The following LSAMP variants were observed in gnomAD, a reference collection of about 807,000 sequenced individuals.
The protein encoded by LSAMP is limbic system associated membrane protein.
A neutral mutation model predicts 38.6 loss-of-function variants in LSAMP; 7 were observed. The ratio of observed to expected loss-of-function variants is 0.18; its 90% CI spans 0.10 to 0.34. LSAMP has a LOEUF of 0.34. Among genes scored for constraint, LSAMP ranks in the 10% least tolerant of loss-of-function variants. The pLI, the probability that LSAMP is intolerant of heterozygous loss-of-function variation, is 1.00. For missense variants in LSAMP, 313 were observed against 420.0 expected, an observed-to-expected ratio of 0.75 and a Z score of 2.23; for synonymous variants, 154 against 166.8, an observed-to-expected ratio of 0.92 and a Z score of 0.59.
At chr3:115,891,205 G>C (rs996441323) in intron 3 of LSAMP, among the ~76,000 whole-genome samples, 1 of 151,944 alleles carries the variant, frequency 6.6e-6, no homozygotes, top group Non-Finnish European at 1.5e-5. Context: ...CTCCATCCAT[G>C]TATACATATT....
chr3:116,402,659 T>C (rs1375201435), intron 1 of LSAMP, among the ~76,000 whole-genome samples: 1 of 152,102 alleles, frequency 6.6e-6, no homozygotes, highest in African/African-American at 2.4e-5. Flanking sequence ...TCATCAAGCA[T>C]ATATATATGC....
chr3:116,244,734 C>T (rs1022147337), intron 1 of LSAMP, among the ~76,000 whole-genome samples: 3 of 152,190 alleles, frequency 2.0e-5, no homozygotes, highest in African/African-American at 7.2e-5. Context: ...ATCAGGGACT[C>T]ACATTTATTT....
In LSAMP at chr3:115,803,441, T is replaced by C. The variant is rs1933562212; in HGVS notation, c.*6876A>G. 1 of 152,206 alleles carries C rather than the reference T, an allele frequency of 6.6e-6. No homozygotes were observed. The allele number at this position is 152,206 out of a possible 1,614,324, so 9.4% of individuals were successfully genotyped here. On this transcript the variant is annotated 3_prime_UTR_variant, in exon 7 of 7. Coordinates refer to ENST00000490035, the MANE Select transcript of LSAMP (RefSeq NM_002338.5). ...GGACAGCTTAGGACAAGAGGATCTG[T>C]GCTCAATGCATCTAGAACATGGCAC...
intron 1 of LSAMP, among the ~76,000 whole-genome samples, chr3:116,087,588 C>T (rs1708020307): frequency 6.6e-6 from 1 of 152,184 alleles, no homozygotes; most frequent in Non-Finnish European, 1.5e-5. Context: ...CTGCTCAACA[C>T]TCTGGAGCAG....
intron 1 of LSAMP, among the ~76,000 whole-genome samples, chr3:116,271,999 T>C (rs147444397): frequency 3.9e-5 from 6 of 151,992 alleles, no homozygotes; most frequent in Non-Finnish European, 8.8e-5. Context: ...GAAATAGAGA[T>C]TGGATTTTAG....
chr3:116,132,028 A>T (rs1462119356), intron 1 of LSAMP, among the ~76,000 whole-genome samples: 1 of 151,864 alleles, frequency 6.6e-6, no homozygotes, highest in African/African-American at 2.4e-5. Flanking sequence ...GGGTTTTGCA[A>T]TGTTGACCAG....
chr3:115,842,242 C>G (rs1220917223), intron 5 of LSAMP, among the ~76,000 whole-genome samples: 1 of 152,138 alleles, frequency 6.6e-6, no homozygotes, highest in Non-Finnish European at 1.5e-5. Context: ...TGAAAGCTAC[C>G]CATTGAACCG....
At chr3:116,265,957 G>T (rs529618704) in intron 1 of LSAMP, among the ~76,000 whole-genome samples, 420 of 150,994 alleles carry the variant, frequency 2.8e-3, no homozygotes, top group Middle Eastern at 0.014. Flanking sequence ...AAGTTGTGGG[G>T]TTTTTTTTTC....
intron 3 of LSAMP, among the ~76,000 whole-genome samples, chr3:115,925,411 T>C (rs1937476695): frequency 6.6e-6 from 1 of 152,210 alleles, no homozygotes; most frequent in African/African-American, 2.4e-5. Flanking sequence ...AGTTAGAAGA[T>C]AGAATTTTTT....
chr3:116,351,398 G>A (rs908385808), intron 1 of LSAMP, among the ~76,000 whole-genome samples: 12 of 152,010 alleles, frequency 7.9e-5, no homozygotes, highest in Admixed American at 3.3e-4. Context: ...TCTGAGTAAC[G>A]GAGAAGTAGC....
chr3:116,101,044 C>T (rs991424154), intron 1 of LSAMP, among the ~76,000 whole-genome samples: 3 of 152,136 alleles, frequency 2.0e-5, no homozygotes, highest in Non-Finnish European at 4.4e-5. Context: ...AGAGTGGGCC[C>T]AAACCATGTC....
At chr3:115,893,298 A>T (rs576549938) in intron 3 of LSAMP, among the ~76,000 whole-genome samples, 2 of 150,484 alleles carry the variant, frequency 1.3e-5, no homozygotes, top group Admixed American at 6.6e-5. Flanking sequence ...AAGTATAATA[A>T]AGAAATCAAC....
intron 3 of LSAMP, among the ~76,000 whole-genome samples, chr3:115,878,550 T>C (rs1434734747): frequency 2.1e-5 from 3 of 145,162 alleles, no homozygotes; most frequent in Non-Finnish European, 3.0e-5. Context: ...CAACCTCCGC[T>C]TCCTGGCTTC....
At chr3:116,326,593 A>G (rs2047776362) in intron 1 of LSAMP, among the ~76,000 whole-genome samples, 2 of 152,126 alleles carry the variant, frequency 1.3e-5, no homozygotes, top group Admixed American at 1.3e-4. Flanking sequence ...TGATATTAGA[A>G]AAGCCAGGGT....
chr3:116,191,015 G>C (rs1710741844), intron 1 of LSAMP, among the ~76,000 whole-genome samples: 1 of 152,122 alleles, frequency 6.6e-6, no homozygotes. Flanking sequence ...TTAAAACATT[G>C]GTTGTCACAC....
chr3:116,182,665 A>G (rs1188827318), intron 1 of LSAMP, among the ~76,000 whole-genome samples: 1 of 151,812 alleles, frequency 6.6e-6, no homozygotes, highest in East Asian at 1.9e-4. Context: ...AGAAAAGGCA[A>G]TAAAGAATCA....
intron 1 of LSAMP, among the ~76,000 whole-genome samples, chr3:116,088,086 T>C (rs1318075375): frequency 6.6e-6 from 1 of 151,384 alleles, no homozygotes; most frequent in Admixed American, 6.6e-5. Context: ...AGAGATGGGG[T>C]CTTGCTGTGT....
intron 1 of LSAMP, among the ~76,000 whole-genome samples, chr3:116,095,803 C>T (rs544030372): frequency 6.6e-6 from 1 of 152,280 alleles, no homozygotes; most frequent in African/African-American, 2.4e-5. Context: ...TCATTCTCTT[C>T]TTAATCACAT....
intron 1 of LSAMP, among the ~76,000 whole-genome samples, chr3:116,165,847 A>G (rs572428011): frequency 5.9e-5 from 9 of 152,132 alleles, no homozygotes; most frequent in Non-Finnish European, 1.2e-4. Context: ...GGTTCCCTGC[A>G]TAATTGGCTT....
Sources: allele counts gnomAD v4.1 joint callset (sites outside exome capture counted in the v4.1 genomes callset), GRCh38; gene constraint gnomAD v4.1.1; transcripts MANE v1.5; gene names NCBI Gene and HGNC (gene_info 2026-07-23, HGNC 2026-07-21).